CPNE9: variants seen among roughly 807,000 people sequenced by gnomAD.
CPNE9 encodes the protein copine family member 9.
Under a neutral mutation model 83.0 loss-of-function variants are expected in CPNE9, and 59 were observed. That is an observed-to-expected ratio of 0.71 (90% CI 0.58 to 0.88). The LOEUF (loss-of-function observed/expected upper bound fraction) is 0.88, where lower values mean the gene tolerates loss of function less well. Among genes scored for constraint, CPNE9 ranks in the 40% least tolerant of loss-of-function variants. CPNE9 has a pLI of 0.00. For synonymous variants in CPNE9, 256 were observed against 273.4 expected, an observed-to-expected ratio of 0.94 and a Z score of 0.63; for missense variants, 619 against 720.8, an observed-to-expected ratio of 0.86 and a Z score of 1.62.
At chr3:9,716,126 G>T (rs2076682017) in intron 14 of CPNE9, 91 bp downstream of exon 14, 3 of 1,113,030 alleles carry the variant, frequency 2.7e-6, no homozygotes, top group African/African-American at 3.1e-5. Context: ...AATGGTCAGG[G>T]CCCAGTGAGA....
At chr3:9,718,835 T>TC (rs1491136130) in intron 17 of CPNE9, among the ~76,000 whole-genome samples, 2 of 81,474 alleles carry the variant, frequency 2.5e-5, no homozygotes, top group East Asian at 2.4e-4. Flanking sequence ...ACCCCATCTC[T>TC]TTTTTTTTTT....
intron 17 of CPNE9, among the ~76,000 whole-genome samples, chr3:9,723,170 G>A (rs1418048444): frequency 1.3e-5 from 2 of 152,178 alleles, no homozygotes; most frequent in Non-Finnish European, 2.9e-5. Flanking sequence ...AAGTGGGTAG[G>A]GGATGTAAAG....
rs1230465825 is a variant in CPNE9, at chr3:9,706,022, G to A, written c.336G>A (p.Glu112=). Residue 112 remains glutamate (E), a synonymous_variant, in exon 7 of 21, where the codon GAG becomes GAA. Coordinates refer to ENST00000383832, the MANE Select transcript of CPNE9 (RefSeq NM_153635.3). The stretch of plus-strand genomic sequence containing the variant: ...GACAAGCGTTCCTGGCCCTGGGAGA[G>A]GTGATTGGAGGCCAGGGCAGCCGAG... ...FLGQAFLALG[E]VIGGQGSRVE... 1.2e-6 allele frequency: 2 copies of A among 1,613,570 alleles called. No homozygotes were observed. Among genetic ancestry groups the A allele is most frequent in the African/African-American group, 2.7e-5 (2 of 74,890 alleles).
chr3:9,725,206 C>T (rs1311668356), intron 17 of CPNE9, among the ~76,000 whole-genome samples: 2 of 152,130 alleles, frequency 1.3e-5, no homozygotes, highest in African/African-American at 4.8e-5. Context: ...CCTCATGTAT[C>T]TCCAGTGTCT....
Position 9,704,704 on chromosome 3 carries a change from G to A in CPNE9, c.110-45G>A, listed in dbSNP as rs558442977. 1.2e-6 allele frequency: 2 copies of A among 1,610,892 alleles called. No homozygotes were observed. Among genetic ancestry groups the A allele is most frequent in the East Asian group, 2.2e-5 (1 of 44,834 alleles). On this transcript the variant is annotated intron_variant, in intron 2 of 20. Transcript: ENST00000383832. This position sits in a 1 kb window ranked among gnomAD's most constrained non-coding sequence, Gnocchi z 7.1. ...GGGGCGGGTGGAGTCGGGGCCAGGG[G>A]TGGGAGCCGACCTGACGTCCTTCCC... is the stretch of plus-strand genomic sequence containing the variant.
intron 7 of CPNE9, among the ~76,000 whole-genome samples, chr3:9,712,255 A>G (rs466120): frequency 0.11 from 17,470 of 152,226 alleles, 1,090 homozygotes; most frequent in African/African-American, 0.16. Flanking sequence ...TAACTTGCCC[A>G]GGGTCACACA....
At position 9,705,879 on chromosome 3, in the gene CPNE9, C is replaced by T. The variant is rs1233702682; in HGVS notation, c.301-108C>T. 1.2e-5 allele frequency: 17 copies of T among 1,386,570 alleles called. No homozygotes were observed. The Admixed American group carries it at 2.6e-4, about 22-fold the overall frequency. The allele number at this position is 1,386,570 out of a possible 1,614,324, so 85.9% of individuals were successfully genotyped here. A position where few individuals can be genotyped will look rare whatever the true frequency, so the allele number is the denominator to read the frequency against. ...ATGTAGGGCCGTGGCTCTTGCACCA[C>T]TCATTCGCCTGGGAACTGCCCTGGT... On this transcript the variant is annotated intron_variant, in intron 6 of 20. Coordinates refer to ENST00000383832, the MANE Select transcript of CPNE9 (RefSeq NM_153635.3).
intron 7 of CPNE9, among the ~76,000 whole-genome samples, chr3:9,710,647 C>G (rs1559637867): frequency 6.6e-6 from 1 of 152,160 alleles, no homozygotes. Flanking sequence ...TTTTGTCTGG[C>G]CATGTTCAGT....
intron 10 of CPNE9, 93 bp from the exon 11 acceptor site, chr3:9,714,821 G>C (rs2076665065): frequency 9.6e-7 from 1 of 1,037,528 alleles, no homozygotes; most frequent in East Asian, 2.4e-5. Flanking sequence ...CAGATGGGTG[G>C]ATGGGGAGAT....
At chr3:9,718,304 G>A in intron 16 of CPNE9, 94 bp downstream of exon 16, 1 of 1,411,298 alleles carries the variant, frequency 7.1e-7, no homozygotes, top group Non-Finnish European at 9.7e-7. Flanking sequence ...CAAAGGGCAT[G>A]TAGAGGAACA....
rs1417408210 is a variant in CPNE9 at position 9,717,058 on chromosome 3, G to T, written c.885G>T (p.Gly295=). 1 of 1,614,124 alleles carries T rather than the reference G, an allele frequency of 6.2e-7. No homozygotes were observed. Among genetic ancestry groups the T allele is most frequent in the East Asian group, 2.2e-5 (1 of 44,884 alleles). The part of the protein sequence containing the change: ...EFTFVDYIKG[G]TQLNFTVAID... ...CTCAATTCATCTGCTTCCCCAACAG[G>T]ACACAGCTGAACTTCACAGTAGCCA... The change falls in exon 15 of 21, where the codon GGG becomes GGT. Residue 295 remains glycine, a splice_region_variant and synonymous_variant. Transcript: ENST00000383832.
intron 7 of CPNE9, among the ~76,000 whole-genome samples, chr3:9,709,831 A>T (rs1398742781): frequency 2.6e-5 from 4 of 151,814 alleles, no homozygotes; most frequent in Admixed American, 2.6e-4. Context: ...CTCTACTAAA[A>T]ATACAAAAAT....
At chr3:9,705,832 C>T in intron 6 of CPNE9, 112 bp downstream of exon 6, 2 of 1,372,610 alleles carry the variant, frequency 1.5e-6, no homozygotes, top group East Asian at 2.3e-5. Context: ...CCCCTTCTTT[C>T]ACACCCCCTC....
intron 17 of CPNE9, among the ~76,000 whole-genome samples, chr3:9,725,682 A>ATC (rs55757225): frequency 3.3e-5 from 4 of 123,024 alleles, no homozygotes; most frequent in Admixed American, 3.2e-4. Context: ...ATGTGTATAT[A>ATC]TATATACATA....
chr3:9,714,357 T>G (rs2076658127), intron 10 of CPNE9, among the ~76,000 whole-genome samples: 1 of 152,128 alleles, frequency 6.6e-6, no homozygotes, highest in Non-Finnish European at 1.5e-5. Context: ...GACGGATGGT[T>G]GGATGGGCTG....
intron 17 of CPNE9, among the ~76,000 whole-genome samples, chr3:9,721,195 G>C (rs2076730863): frequency 6.6e-6 from 1 of 152,156 alleles, no homozygotes; most frequent in African/African-American, 2.4e-5. Flanking sequence ...GCAGGAGACA[G>C]AAATATAAAT....
intron 14 of CPNE9, 33 bp from the exon 15 acceptor site, chr3:9,717,025 C>A: frequency 1.9e-6 from 3 of 1,609,254 alleles, no homozygotes; most frequent in Non-Finnish European, 2.6e-6. Flanking sequence ...ATCATTAGTT[C>A]CTCACTTCTC....
chr3:9,722,165 C>CCT (rs1042867310), intron 17 of CPNE9, among the ~76,000 whole-genome samples: 31 of 151,682 alleles, frequency 2.0e-4, no homozygotes, highest in Admixed American at 9.2e-4. Context: ...GATCCACCCC[C>CCT]CCCCGCCACC....
intron 20 of CPNE9, among the ~76,000 whole-genome samples, chr3:9,729,168 C>T (rs1353625863): frequency 6.6e-6 from 1 of 151,946 alleles, no homozygotes; most frequent in South Asian, 2.1e-4. Context: ...GAATTATGGT[C>T]AAATGTAATG....
Sources: allele counts gnomAD v4.1 joint callset (sites outside exome capture counted in the v4.1 genomes callset), GRCh38; gene constraint gnomAD v4.1.1; non-coding constraint Gnocchi (gnomAD v3.1); transcripts MANE v1.5; gene names NCBI Gene and HGNC (gene_info 2026-07-23, HGNC 2026-07-21).